NCKAP1: variants seen among roughly 807,000 people sequenced by gnomAD.
The protein encoded by NCKAP1 is nck-associated protein 1.
NCKAP1 carries 21 observed loss-of-function variants against 151.2 expected under a neutral mutation model. The ratio of observed to expected loss-of-function variants is 0.14; its 90% CI spans 0.10 to 0.20. NCKAP1 has a LOEUF of 0.20. Among genes scored for constraint, NCKAP1 ranks in the 10% least tolerant of loss-of-function variants. The probability of loss-of-function intolerance (pLI) is 1.00; values close to 1 mark genes in which losing one functional copy is unlikely to be tolerated. For missense variants in NCKAP1, 933 were observed against 1,352.1 expected (o/e 0.69, Z 4.86); for synonymous variants, 484 against 451.8 (o/e 1.07, Z -0.90).
intron 18 of NCKAP1, among the ~76,000 whole-genome samples, chr2:182,961,582 G>A (rs193178697): frequency 1.0e-3 from 156 of 152,212 alleles, no homozygotes; most frequent in Middle Eastern, 3.4e-3. Context: ...CCTGTTGTGG[G>A]GTGGGGAAAT....
intron 6 of NCKAP1, among the ~76,000 whole-genome samples, chr2:182,998,823 T>TA (rs1374522420): frequency 1.2e-5 from 1 of 85,844 alleles, no homozygotes; most frequent in Non-Finnish European, 2.1e-5. Context: ...GGTGACAGAG[T>TA]AAGACTCCAA....
intron 13 of NCKAP1, among the ~76,000 whole-genome samples, chr2:182,980,272 G>A (rs750675220): frequency 5.1e-4 from 77 of 151,808 alleles, no homozygotes; most frequent in Admixed American, 1.2e-3. Flanking sequence ...ATAGAGTTTA[G>A]AATACTAGCT....
chr2:182,930,905 A>C (rs6718462), intron 26 of NCKAP1, 117 bp from the exon 27 acceptor site: 70,155 of 768,536 alleles, frequency 0.091, 7,079 homozygotes, highest in African/African-American at 0.43. Flanking sequence ...ACTTGGCTGA[A>C]GCAGAAACTA....
chr2:182,990,735 T>C (rs1368834214), intron 8 of NCKAP1, among the ~76,000 whole-genome samples: 4 of 152,302 alleles, frequency 2.6e-5, no homozygotes, highest in African/African-American at 9.6e-5. Context: ...AAACTCCTAT[T>C]ATAGCTGTGC....
chr2:183,011,616 A>G (rs1160657090), intron 2 of NCKAP1, among the ~76,000 whole-genome samples: 1 of 152,226 alleles, frequency 6.6e-6, no homozygotes, highest in Non-Finnish European at 1.5e-5. Context: ...ATTGGTGAGT[A>G]GTATTCTGTT....
At chr2:183,029,723 G>A (rs1698968874) in intron 1 of NCKAP1, among the ~76,000 whole-genome samples, 1 of 148,676 alleles carries the variant, frequency 6.7e-6, no homozygotes, top group Non-Finnish European at 1.5e-5. Flanking sequence ...GGGAGGCTAA[G>A]ATGGAAGGAC....
Position 182,953,150 on chromosome 2 carries a change from G to T in NCKAP1, c.2335C>A (p.His779Asn). ...LLQQTQHLDS[H>N]GEPTITSLYT... Reference sequence around the variant, plus strand: ...AGACTTGTAATGGTTGGCTCTCCATGACTGTCTAAATGTTGTGTTTGTTGA... The same window carrying T: ...AGACTTGTAATGGTTGGCTCTCCATTACTGTCTAAATGTTGTGTTTGTTGA... The change falls in exon 21 of 31, where the codon CAT becomes AAT. Residue 779 changes from histidine (H) to asparagine (N), a missense_variant. His to Asn is a moderately conservative substitution (Grantham distance 68). This residue lies in a region of NCKAP1 where 326 missense variants were observed against 557.1 expected (regional missense o/e 0.59). Coordinates refer to ENST00000361354, the MANE Select transcript of NCKAP1 (RefSeq NM_013436.5). 2 of 1,613,252 alleles carry T rather than the reference G, an allele frequency of 1.2e-6. No homozygotes were observed. Among genetic ancestry groups the T allele is most frequent in the South Asian group, 2.2e-5 (2 of 90,960 alleles).
At chr2:182,994,959 T>A (rs1698239825) in intron 7 of NCKAP1, 72 bp from the exon 8 acceptor site, 1 of 1,191,822 alleles carries the variant, frequency 8.4e-7, no homozygotes, top group African/African-American at 1.6e-5. Flanking sequence ...GCCACTCTCC[T>A]CCCTTTCTCC....
In NCKAP1 at chr2:182,983,264, AAAT is replaced by A; in HGVS notation, c.1101+19_1101+21del. On this transcript the variant is annotated intron_variant, in intron 11 of 30. Transcript: ENST00000361354. ...AAATTTTAATATGGCACAATTATTGAAATAATAATTAAATGAATTACCTTGGGA... is the reference window on the plus strand; with the variant it reads ...AAATTTTAATATGGCACAATTATTGAAATAATTAAATGAATTACCTTGGGA... 6.6e-7 allele frequency: 1 copy of A among 1,505,582 alleles called. No individual in the cohort carries two copies. The highest frequency in any genetic ancestry group is 1.4e-5 in the African/African-American group (1 of 71,464). 93.3% of individuals were successfully genotyped at this position (1,505,582 alleles called of 1,614,324 possible).
Position 182,918,951 on chromosome 2 carries a change from T to C in NCKAP1, c.*6751A>G, listed in dbSNP as rs780121049. On this transcript the variant is annotated 3_prime_UTR_variant, in exon 31 of 31. Transcript: ENST00000361354. ...ACAACTCTGGGGCCAGATTTAAATGTTGGCCTCTGCTACTTCCTTGTAGTG... is the reference window on the plus strand; with the variant it reads ...ACAACTCTGGGGCCAGATTTAAATGCTGGCCTCTGCTACTTCCTTGTAGTG... The C allele has an allele frequency of 2.0e-5, 3 of 152,364 alleles. No individual in the cohort carries two copies. Among genetic ancestry groups the C allele is most frequent in the Non-Finnish European group, 2.9e-5 (2 of 68,022 alleles). The allele number at this position is 152,364 out of a possible 1,614,324, so 9.4% of individuals were successfully genotyped here.
intron 16 of NCKAP1, among the ~76,000 whole-genome samples, chr2:182,965,986 G>C (rs1455161659): frequency 6.6e-6 from 1 of 152,030 alleles, no homozygotes; most frequent in East Asian, 1.9e-4. Context: ...CTGGTGATTT[G>C]AATTTCTTCT....
At chr2:182,992,241 A>C (rs1168087212) in intron 8 of NCKAP1, among the ~76,000 whole-genome samples, 1 of 152,238 alleles carries the variant, frequency 6.6e-6, no homozygotes, top group Non-Finnish European at 1.5e-5. Context: ...AGAGAAGTGC[A>C]GAATTTGAGG....
rs971591995 is a variant in NCKAP1 at position 182,921,197 on chromosome 2, T to C, written c.*4505A>G. 2.6e-5 allele frequency: 4 copies of C among 152,344 alleles called. No individual in the cohort carries two copies. The highest frequency in any genetic ancestry group is 2.6e-4 in the Admixed American group (4 of 15,300). 9.4% of individuals were successfully genotyped at this position (152,344 alleles called of 1,614,324 possible). ...AATGAGTGAGCAATTTAGCACCTGA[T>C]ACTGCTGAGAAATTAATGACTCTGC... On this transcript the variant is annotated 3_prime_UTR_variant, in exon 31 of 31. Coordinates refer to ENST00000361354, the MANE Select transcript of NCKAP1 (RefSeq NM_013436.5).
intron 2 of NCKAP1, among the ~76,000 whole-genome samples, chr2:183,003,928 A>C (rs925274258): frequency 1.3e-5 from 2 of 152,164 alleles, no homozygotes; most frequent in Admixed American, 1.3e-4. Flanking sequence ...GAAATGTTGA[A>C]AGACAAATAG....
intron 8 of NCKAP1, among the ~76,000 whole-genome samples, chr2:182,989,868 TGCGCCCA>T (rs1214673853): frequency 6.6e-6 from 1 of 151,900 alleles, no homozygotes; most frequent in Non-Finnish European, 1.5e-5. Context: ...GGAGTGTTGG[TGCGCCCA>T]GCTATTCAGG....
chr2:182,931,538 A>G (rs986965758), intron 26 of NCKAP1, among the ~76,000 whole-genome samples: 1 of 152,144 alleles, frequency 6.6e-6, no homozygotes, highest in African/African-American at 2.4e-5. Context: ...TAAATCATAA[A>G]CCTAAATGTA....
At position 182,921,322 on chromosome 2, in the gene NCKAP1, G is replaced by A. The variant is rs529091616; in HGVS notation, c.*4380C>T. 73 of 152,116 alleles carry A rather than the reference G, an allele frequency of 4.8e-4. No individual in the cohort carries two copies. Among genetic ancestry groups the A allele is most frequent in the Middle Eastern group, 3.4e-3 (1 of 294 alleles). The allele number at this position is 152,116 out of a possible 1,614,324, so 9.4% of individuals were successfully genotyped here. Reference sequence around the variant, plus strand: ...GATTCTAGAAGCTTATTTTATGATGGTAATCTTCAGTTTAGGTCTTGGTGA... The same window carrying A: ...GATTCTAGAAGCTTATTTTATGATGATAATCTTCAGTTTAGGTCTTGGTGA... On this transcript the variant is annotated 3_prime_UTR_variant, in exon 31 of 31. Transcript: ENST00000361354.
chr2:182,975,357 C>A (rs1018895306), intron 15 of NCKAP1, among the ~76,000 whole-genome samples: 2 of 151,956 alleles, frequency 1.3e-5, no homozygotes, highest in Non-Finnish European at 2.9e-5. Flanking sequence ...TTATAAAAGT[C>A]TTCATTTCTA....
chr2:182,995,837 G>T lies in NCKAP1; in HGVS notation c.605C>A (p.Ser202Tyr), dbSNP rs770271787. 6.2e-7 allele frequency: 1 copy of T among 1,606,658 alleles called. No homozygotes were observed. The highest frequency in any genetic ancestry group is 8.5e-7 in the Non-Finnish European group (1 of 1,173,936). ...AAGAGAAATTAGTGCATCTGAAAGA[G>T]ACTAATTAAAATACGAAAAAAAAGC... ...MMEEFVPHSK[S>Y]LSDALISLQM... Residue 202 changes from serine to tyrosine, a missense_variant and splice_region_variant, in exon 7 of 31, where the codon TCT (serine) becomes TAT (tyrosine). By Grantham distance (144) the Ser-to-Tyr change is moderately radical (BLOSUM62 -2). Transcript: ENST00000361354.
Sources: allele counts gnomAD v4.1 joint callset (sites outside exome capture counted in the v4.1 genomes callset), GRCh38; gene constraint gnomAD v4.1.1; regional missense constraint gnomAD v4.1.1; transcripts MANE v1.5; gene names NCBI Gene and HGNC (gene_info 2026-07-23, HGNC 2026-07-21).